Variants in GRID1 observed in about 807,000 individuals in gnomAD.
The protein encoded by GRID1 is glutamate ionotropic receptor delta type subunit 1.
In GRID1, 28 loss-of-function variants were observed where a neutral mutation model predicts 98.0. That is an observed-to-expected ratio of 0.29 (90% CI 0.21 to 0.39). The LOEUF is 0.39. GRID1 is among the 10% of genes least tolerant of loss of function. GRID1 has a pLI of 1.00. For synonymous variants in GRID1, 553 were observed against 538.5 expected (o/e 1.03, Z -0.37); for missense variants, 1,111 against 1,340.5 (o/e 0.83, Z 2.67).
chr10:85,901,772 T>C (rs1414155408), intron 5 of GRID1, among the ~76,000 whole-genome samples: 2 of 152,206 alleles, frequency 1.3e-5, no homozygotes, highest in Non-Finnish European at 2.9e-5. Flanking sequence ...TCTTCCTCGG[T>C]CCTGCTCCCA....
chr10:85,746,796 A>G (rs1414145896), intron 8 of GRID1, among the ~76,000 whole-genome samples: 3 of 152,138 alleles, frequency 2.0e-5, no homozygotes, highest in Non-Finnish European at 4.4e-5. Context: ...TATGATATAT[A>G]ATAAAATAAA....
At chr10:86,190,252 T>G (rs569051541) in intron 3 of GRID1, among the ~76,000 whole-genome samples, 18 of 152,258 alleles carry the variant, frequency 1.2e-4, no homozygotes, top group Non-Finnish European at 2.5e-4. Flanking sequence ...CTGGCCTCCA[T>G]GAAGTAAATA....
intron 4 of GRID1, among the ~76,000 whole-genome samples, chr10:86,102,208 C>A (rs1042355407): frequency 6.6e-6 from 1 of 152,242 alleles, no homozygotes; most frequent in Admixed American, 6.5e-5. Context: ...GCCACTCTGG[C>A]TGCCTCAGAA....
intron 8 of GRID1, among the ~76,000 whole-genome samples, chr10:85,766,634 T>G (rs1842199883): frequency 6.6e-6 from 1 of 151,946 alleles, no homozygotes. Context: ...CTATGGGACA[T>G]TAAATTCAAA....
At position 85,680,638 on chromosome 10, in the gene GRID1, A is replaced by T. The variant is rs74438882; in HGVS notation, c.1998-33241T>A. The stretch of plus-strand genomic sequence containing the variant: ...CCACTACTGGGTATCTACCAAAGGA[A>T]AAGAAGTCATTATATCAAAAAGATA... On this transcript the variant is annotated intron_variant, in intron 12 of 15. Transcript: ENST00000327946. Among the ~76,000 whole-genome samples the T allele has an allele frequency of 2.7e-3, 416 of 152,318 alleles. 2 individuals are homozygous for T. Among genetic ancestry groups the T allele is most frequent in the African/African-American group, 9.8e-3 (408 of 41,578 alleles).
At chr10:85,618,893 G>C (rs1423371853) in intron 14 of GRID1, among the ~76,000 whole-genome samples, 1 of 152,202 alleles carries the variant, frequency 6.6e-6, no homozygotes, top group African/African-American at 2.4e-5. Context: ...GGATGTTAAA[G>C]AAATGGTTTA....
intron 5 of GRID1, among the ~76,000 whole-genome samples, chr10:85,891,820 T>C (rs1415987106): frequency 6.6e-6 from 1 of 152,076 alleles, no homozygotes; most frequent in African/African-American, 2.4e-5. Context: ...ATGTCTGGCA[T>C]CTAATCAAAA....
chr10:85,926,597 G>A (rs780488592), intron 4 of GRID1, among the ~76,000 whole-genome samples: 1 of 152,090 alleles, frequency 6.6e-6, no homozygotes, highest in Non-Finnish European at 1.5e-5. Flanking sequence ...AGAAACCAAA[G>A]ATGCCTGCTC....
At chr10:86,242,091 C>T (rs893280488) in intron 2 of GRID1, among the ~76,000 whole-genome samples, 3 of 152,172 alleles carry the variant, frequency 2.0e-5, no homozygotes, top group Non-Finnish European at 4.4e-5. Context: ...TGTGCCAAGC[C>T]CCGTGCTAGG....
chr10:85,748,624 C>T (rs369184890), intron 8 of GRID1, among the ~76,000 whole-genome samples: 15 of 152,210 alleles, frequency 9.9e-5, no homozygotes, highest in African/African-American at 3.4e-4. Flanking sequence ...GTTTTGTTTC[C>T]TTAAATTAGA....
chr10:86,108,355 G>A (rs1173161472), intron 4 of GRID1, among the ~76,000 whole-genome samples: 2 of 152,144 alleles, frequency 1.3e-5, no homozygotes, highest in South Asian at 2.1e-4. Context: ...TAGGGGATTC[G>A]ACAAGATAAA....
intron 4 of GRID1, among the ~76,000 whole-genome samples, chr10:86,020,267 G>C (rs1843032311): frequency 6.6e-6 from 1 of 152,224 alleles, no homozygotes; most frequent in South Asian, 2.1e-4. Flanking sequence ...CAAAGTGCCA[G>C]GCAGGAGCAA....
chr10:86,142,508 G>A (rs1253707196), intron 3 of GRID1, among the ~76,000 whole-genome samples: 8 of 152,218 alleles, frequency 5.3e-5, no homozygotes, highest in Non-Finnish European at 1.2e-4. Flanking sequence ...AACACCAGTG[G>A]TCCTCACTGC....
intron 8 of GRID1, among the ~76,000 whole-genome samples, chr10:85,834,317 A>G (rs1302361156): frequency 6.6e-6 from 1 of 152,208 alleles, no homozygotes; most frequent in Non-Finnish European, 1.5e-5. Context: ...ATGGCATAAC[A>G]CATTTAAATT....
rs1033359372 is a variant in GRID1 at position 86,031,044 on chromosome 10, G to A, written c.726+107775C>T. Among the ~76,000 whole-genome samples, 12 of 152,084 alleles carry A rather than the reference G, an allele frequency of 7.9e-5. No homozygotes were observed. The East Asian group carries it at 1.4e-3, about 17-fold the overall frequency. On this transcript the variant is annotated intron_variant, in intron 4 of 15. Transcript: ENST00000327946. Reference sequence around the variant, plus strand: ...AATCAGACACTGCCTCCTCAAACCCGCCTATAAAATCTGGCACATTTGCCA... The same window carrying A: ...AATCAGACACTGCCTCCTCAAACCCACCTATAAAATCTGGCACATTTGCCA...
chr10:85,703,043 A>G (rs1841471175), intron 12 of GRID1, among the ~76,000 whole-genome samples: 1 of 152,080 alleles, frequency 6.6e-6, no homozygotes, highest in African/African-American at 2.4e-5. Flanking sequence ...GGGGTAAGAG[A>G]GAAAGTAAAA....
intron 5 of GRID1, among the ~76,000 whole-genome samples, chr10:85,878,518 C>T (rs571196602): frequency 1.3e-5 from 2 of 152,234 alleles, no homozygotes; most frequent in Admixed American, 6.5e-5. Context: ...TCCAGCCAAA[C>T]TAAGATTCAT....
intron 4 of GRID1, among the ~76,000 whole-genome samples, chr10:86,053,894 A>C (rs1294471359): frequency 6.6e-6 from 1 of 152,204 alleles, no homozygotes; most frequent in Non-Finnish European, 1.5e-5. Context: ...GCACACATGC[A>C]CACACACGTT....
chr10:85,676,784 C>A (rs994637179), intron 12 of GRID1, among the ~76,000 whole-genome samples: 2 of 152,182 alleles, frequency 1.3e-5, no homozygotes, highest in African/African-American at 4.8e-5. Flanking sequence ...TGGTTATTTG[C>A]ACGTCAACAT....
Sources: allele counts gnomAD v4.1 joint callset (sites outside exome capture counted in the v4.1 genomes callset), GRCh38; gene constraint gnomAD v4.1.1; transcripts MANE v1.5; gene names NCBI Gene and HGNC (gene_info 2026-07-23, HGNC 2026-07-21).